The following KCTD1 variants were observed in gnomAD, a reference collection of about 807,000 sequenced individuals.
The protein encoded by KCTD1 is potassium channel tetramerization domain containing 1, also known as BTB/POZ domain-containing protein KCTD1.
A neutral mutation model predicts 66.0 loss-of-function variants in KCTD1; 24 were observed. The observed-to-expected ratio is 0.36, with a 90% CI of 0.26 to 0.51. KCTD1 has a LOEUF of 0.51. Among genes scored for constraint, KCTD1 ranks in the 20% least tolerant of loss-of-function variants. The pLI is 0.95. For synonymous variants in KCTD1, 511 were observed against 517.2 expected (o/e 0.99, Z 0.16); for missense variants, 943 against 1,205.2 (o/e 0.78, Z 3.22).
At chr18:26,583,393 C>CAAAAAAAAAAAAAAAAAA (rs55720907) in intron 1 of KCTD1, among the ~76,000 whole-genome samples, 96 of 83,774 alleles carry the variant, frequency 1.1e-3, no homozygotes, top group Non-Finnish European at 1.3e-3. Context: ...GACTTTGTCT[C>CAAAAAAAAAAAAAAAAAA]AAAAAAAAAA....
chr18:26,533,350 T>G (rs1234497870), intron 1 of KCTD1, among the ~76,000 whole-genome samples: 1 of 152,252 alleles, frequency 6.6e-6, no homozygotes, highest in Admixed American at 6.5e-5. Flanking sequence ...TGAGCAAGTA[T>G]TTTATTTCAG....
chr18:26,475,937 ATTAAG>A (rs1050051803), intron 3 of KCTD1, among the ~76,000 whole-genome samples: 3 of 152,226 alleles, frequency 2.0e-5, no homozygotes, highest in African/African-American at 7.2e-5. Flanking sequence ...TTCTAATAGC[ATTAAG>A]TTGACTTTTT....
chr18:26,503,131 T>C (rs146628016), intron 1 of KCTD1, among the ~76,000 whole-genome samples: 137 of 152,332 alleles, frequency 9.0e-4, no homozygotes, highest in African/African-American at 3.1e-3. Context: ...GAAACAGTTA[T>C]AGAAAAAGAG....
At chr18:26,654,599 A>G (rs1440126759) in intron 1 of KCTD1, among the ~76,000 whole-genome samples, 3 of 152,214 alleles carry the variant, frequency 2.0e-5, no homozygotes, top group Non-Finnish European at 4.4e-5. Context: ...TAATTAATAC[A>G]GCAAAATCAC....
chr18:26,620,494 T>C (rs1251761638), intron 1 of KCTD1, among the ~76,000 whole-genome samples: 1 of 129,984 alleles, frequency 7.7e-6, no homozygotes, highest in African/African-American at 2.9e-5. Context: ...TGGAGTGTGG[T>C]GGTGCAATCA....
intron 1 of KCTD1, among the ~76,000 whole-genome samples, chr18:26,582,999 C>T (rs747200436): frequency 6.6e-6 from 1 of 151,274 alleles, no homozygotes; most frequent in Non-Finnish European, 1.5e-5. Context: ...AGAATATAAA[C>T]AAAAAACATT....
chr18:26,502,026 T>G (rs1004131943), intron 1 of KCTD1, among the ~76,000 whole-genome samples: 1 of 152,248 alleles, frequency 6.6e-6, no homozygotes, highest in East Asian at 1.9e-4. Flanking sequence ...CTGGTGGCAG[T>G]AACAACATGT....
At chr18:26,638,007 CAA>C (rs761800566) in intron 1 of KCTD1, among the ~76,000 whole-genome samples, 27 of 152,162 alleles carry the variant, frequency 1.8e-4, no homozygotes, top group Admixed American at 1.4e-3. Flanking sequence ...GGTGTCACAT[CAA>C]AGACTTAAGG....
intron 1 of KCTD1, among the ~76,000 whole-genome samples, chr18:26,653,512 G>A (rs1821895): frequency 0.66 from 99,655 of 152,040 alleles, 33,549 homozygotes; most frequent in African/African-American, 0.81. Context: ...CAGTTGTTCA[G>A]TTATTCGATG....
chr18:26,506,557 T>C (rs1277782656), intron 1 of KCTD1, among the ~76,000 whole-genome samples: 1 of 152,206 alleles, frequency 6.6e-6, no homozygotes, highest in Non-Finnish European at 1.5e-5. Flanking sequence ...CACTTATTTT[T>C]TTCTCCAAGG....
At chr18:26,646,275 G>A (rs1286167671) in intron 1 of KCTD1, among the ~76,000 whole-genome samples, 2 of 152,138 alleles carry the variant, frequency 1.3e-5, no homozygotes, top group Non-Finnish European at 2.9e-5. Flanking sequence ...GTTGTTAGGG[G>A]GAGCAGGAGG....
At chr18:26,648,061 G>T (rs1275977989) in intron 1 of KCTD1, among the ~76,000 whole-genome samples, 1 of 152,014 alleles carries the variant, frequency 6.6e-6, no homozygotes, top group South Asian at 2.1e-4. Flanking sequence ...GGCCAGGCTG[G>T]TCTCAAACTC....
chr18:26,596,484 G>A (rs1414826457), intron 1 of KCTD1, among the ~76,000 whole-genome samples: 5 of 152,176 alleles, frequency 3.3e-5, no homozygotes, highest in South Asian at 2.1e-4. Context: ...ATGGCAGCCC[G>A]AGGGGACTTA....
intron 1 of KCTD1, among the ~76,000 whole-genome samples, chr18:26,568,452 G>T (rs1307608285): frequency 1.3e-5 from 2 of 151,818 alleles, no homozygotes; most frequent in Non-Finnish European, 2.9e-5. Flanking sequence ...GCCCAGGCTG[G>T]TCTCGAACTC....
intron 1 of KCTD1, among the ~76,000 whole-genome samples, chr18:26,510,136 C>T (rs921804771): frequency 6.6e-6 from 1 of 152,148 alleles, no homozygotes; most frequent in Non-Finnish European, 1.5e-5. Flanking sequence ...CGCTGAGCGG[C>T]AAGGCCCAAC....
At position 26,506,172 on chromosome 18, in the gene KCTD1, G is replaced by A. The variant is rs145935292; in HGVS notation, c.1810-4922C>T. Among the ~76,000 whole-genome samples, 35 of 152,190 alleles carry A rather than the reference G, an allele frequency of 2.3e-4. No individual in the cohort carries two copies. In the East Asian group the frequency reaches 4.6e-3, roughly 20 times the overall value. ...GCTGAGATTATAGGTGTTAGCCACC[G>A]CGCCCAGCCCATAACACTTATTAAC... is the stretch of plus-strand genomic sequence containing the variant. On this transcript the variant is annotated intron_variant, in intron 1 of 4. Coordinates refer to ENST00000580059, the MANE Select transcript of KCTD1 (RefSeq NM_001142730.3).
intron 1 of KCTD1, among the ~76,000 whole-genome samples, chr18:26,533,826 TTA>T (rs1491146586): frequency 1.1e-4 from 8 of 73,244 alleles, no homozygotes; most frequent in South Asian, 5.1e-4. Flanking sequence ...AAGCTATTAT[TTA>T]AAAAAAAAAA....
At position 26,547,118 on chromosome 18, in the gene KCTD1, C is replaced by A; in HGVS notation, c.1419G>T (p.Ser473=). The A allele has an allele frequency of 6.5e-7, 1 of 1,549,704 alleles. No individual in the cohort carries two copies. The highest frequency in any genetic ancestry group is 8.7e-7 in the Non-Finnish European group (1 of 1,146,844). The stretch of plus-strand genomic sequence containing the variant: ...CGGCGTAGCAGCCCTGCGGGGCGGG[C>A]GAGCCCAGCTTGGTGCCAATGCCCG... ...SIAGIGTKLG[S]PAPQGCYAEA... is the part of the protein sequence containing the mutation. The change falls in exon 1 of 5, where the codon TCG becomes TCT. Residue 473 remains serine (S), a synonymous_variant. Coordinates refer to ENST00000580059, the MANE Select transcript of KCTD1 (RefSeq NM_001142730.3).
rs1468070046 is a variant in KCTD1, at chr18:26,476,796, G to A, written c.1989-137C>T. On this transcript the variant is annotated intron_variant, in intron 2 of 4. Coordinates refer to ENST00000580059, the MANE Select transcript of KCTD1 (RefSeq NM_001142730.3). This position sits in a 1 kb window ranked among gnomAD's most constrained non-coding sequence, Gnocchi z 4.9. ...GGGAAAAATTACGATTGTCTGCAAA[G>A]TGTTGGTCCCCGCTTGATAAATATC... 1 of 698,742 alleles carries A rather than the reference G, an allele frequency of 1.4e-6. No individual in the cohort carries two copies. Among genetic ancestry groups the A allele is most frequent in the African/African-American group, 1.8e-5 (1 of 54,482 alleles). 43.3% of individuals were successfully genotyped at this position (698,742 alleles called of 1,614,324 possible).
Sources: gnomAD v4.1 joint callset for allele counts (sites outside exome capture counted in the v4.1 genomes callset) on GRCh38, gnomAD v4.1.1 for gene constraint, Gnocchi (gnomAD v3.1) non-coding constraint, MANE v1.5 for transcripts, NCBI Gene and HGNC (gene_info 2026-07-23, HGNC 2026-07-21) for gene names.